The following MSR1 variants were observed in gnomAD, a reference collection of about 807,000 sequenced individuals.
The protein encoded by MSR1 is macrophage scavenger receptor types I and II.
Under a neutral mutation model 47.2 loss-of-function variants are expected in MSR1, and 53 were observed. The observed-to-expected ratio is 1.12, with a 90% CI of 0.90 to 1.41. The LOEUF (loss-of-function observed/expected upper bound fraction) is 1.41, where lower values mean the gene tolerates loss of function less well. Among genes scored for constraint, MSR1 ranks in the 40% most tolerant of loss-of-function variants. The pLI is 0.00. For missense variants in MSR1, 786 were observed against 546.9 expected (o/e 1.44, Z -4.36); for synonymous variants, 239 against 185.6 (o/e 1.29, Z -2.34).
intron 5 of MSR1, among the ~76,000 whole-genome samples, chr8:16,158,892 T>C (rs1034892296): frequency 4.6e-5 from 7 of 151,520 alleles, no homozygotes; most frequent in Non-Finnish European, 7.4e-5. Flanking sequence ...TACATAGTGG[T>C]TAGACAAACT....
chr8:16,125,081 G>A (rs1993977), intron 8 of MSR1, among the ~76,000 whole-genome samples: 106,540 of 151,992 alleles, frequency 0.7, 41,020 homozygotes, highest in Non-Finnish European at 0.86. Flanking sequence ...CTCCAAATAC[G>A]AGCTTTTGGT....
chr8:16,174,863 T>C lies in MSR1; in HGVS notation c.217+324A>G, dbSNP rs113779539. On this transcript the variant is annotated intron_variant, in intron 3 of 9. Transcript: ENST00000262101. ...GCAAAATGAATACTTTTAAAATTTG[T>C]CACCCACATTAGAAGGAGAGGACTC... Among the ~76,000 whole-genome samples the C allele has an allele frequency of 5.9e-5, 9 of 152,298 alleles. 2 individuals carry two copies. Among genetic ancestry groups the C allele is most frequent in the African/African-American group, 2.2e-4 (9 of 41,576 alleles).
At position 16,110,045 on chromosome 8, in the gene MSR1, T is replaced by C; in HGVS notation, c.*40A>G. On this transcript the variant is annotated 3_prime_UTR_variant, in exon 10 of 10. Transcript: ENST00000262101. Reference sequence around the variant, plus strand: ...AGGAACAAGGTAATAAAATCATTTTTGAGCAGCGATTTCATAGTTGTGAAT... The same window carrying C: ...AGGAACAAGGTAATAAAATCATTTTCGAGCAGCGATTTCATAGTTGTGAAT... 1.2e-6 allele frequency: 2 copies of C among 1,611,412 alleles called. No individual in the cohort carries two copies. Among genetic ancestry groups the C allele is most frequent in the South Asian group, 1.1e-5 (1 of 91,026 alleles).
At chr8:16,134,182 A>G (rs1800330511) in intron 8 of MSR1, among the ~76,000 whole-genome samples, 2 of 152,014 alleles carry the variant, frequency 1.3e-5, no homozygotes, top group South Asian at 4.1e-4. Flanking sequence ...CATAAATTTC[A>G]TGTGTGTTCT....
intron 9 of MSR1, among the ~76,000 whole-genome samples, chr8:16,114,574 A>T (rs1235102901): frequency 6.6e-6 from 1 of 151,946 alleles, no homozygotes; most frequent in Non-Finnish European, 1.5e-5. Flanking sequence ...GCAAAAAGTG[A>T]CTCACTCTCC....
intron 9 of MSR1, among the ~76,000 whole-genome samples, chr8:16,115,120 G>A (rs549231296): frequency 2.0e-5 from 3 of 152,134 alleles, no homozygotes; most frequent in East Asian, 1.9e-4. Context: ...CAGAGGTTGC[G>A]GTGAGCCGAG....
chr8:16,162,344 G>A (rs541046882), intron 5 of MSR1, among the ~76,000 whole-genome samples: 3 of 152,064 alleles, frequency 2.0e-5, no homozygotes, highest in Non-Finnish European at 4.4e-5. Context: ...AATGAAATCA[G>A]AAGGTTTCTT....
intron 5 of MSR1, among the ~76,000 whole-genome samples, chr8:16,155,973 T>G (rs753183989): frequency 2.0e-5 from 3 of 151,912 alleles, no homozygotes; most frequent in Non-Finnish European, 4.4e-5. Flanking sequence ...GTATTTTCTG[T>G]GTCCAGCAAA....
chr8:16,127,698 G>C (rs545650767), intron 8 of MSR1, among the ~76,000 whole-genome samples: 3 of 152,284 alleles, frequency 2.0e-5, no homozygotes, highest in African/African-American at 7.2e-5. Flanking sequence ...TAAAGAGAAA[G>C]AGAGAGCGAG....
intron 2 of MSR1, among the ~76,000 whole-genome samples, chr8:16,175,641 T>C (rs1022386423): frequency 2.0e-5 from 3 of 152,220 alleles, no homozygotes; most frequent in Non-Finnish European, 4.4e-5. Flanking sequence ...AATGTTCATA[T>C]GGGAAAATAT....
At chr8:16,135,066 G>A (rs1345948113) in intron 8 of MSR1, among the ~76,000 whole-genome samples, 1 of 152,162 alleles carries the variant, frequency 6.6e-6, no homozygotes. Context: ...TTTAGCAAGT[G>A]TGGATATAGA....
At chr8:16,178,103 C>CT (rs199889203) in intron 1 of MSR1, 111 bp from the exon 2 acceptor site, 17,721 of 631,400 alleles carry the variant, frequency 0.028, 7 homozygotes, top group East Asian at 0.056. Context: ...TTCAGTTTTT[C>CT]TTTTTTTTTT....
chr8:16,146,616 T>A (rs544717558), intron 7 of MSR1, among the ~76,000 whole-genome samples: 1 of 152,234 alleles, frequency 6.6e-6, no homozygotes, highest in African/African-American at 2.4e-5. Context: ...CTTGACCACC[T>A]TTGAAACTCT....
At chr8:16,121,951 C>T (rs1800015725) in intron 8 of MSR1, among the ~76,000 whole-genome samples, 1 of 151,842 alleles carries the variant, frequency 6.6e-6, no homozygotes, top group African/African-American at 2.4e-5. Context: ...ATGCTTATTA[C>T]TGTTTTAACA....
At chr8:16,192,474 C>T (rs1212912199) in intron 1 of MSR1, 124 bp downstream of exon 1, 1 of 134,086 alleles carries the variant, frequency 7.5e-6, no homozygotes, top group African/African-American at 3.3e-5. Flanking sequence ...TCTCATCATA[C>T]ACACACAGAC....
intron 9 of MSR1, among the ~76,000 whole-genome samples, chr8:16,118,003 C>CA (rs1475541575): frequency 3.3e-5 from 5 of 152,112 alleles, no homozygotes; most frequent in African/African-American, 9.7e-5. Flanking sequence ...TCCCTGGTGC[C>CA]AAAAAGGTTG....
At chr8:16,158,177 CA>C (rs1263176829) in intron 5 of MSR1, among the ~76,000 whole-genome samples, 1 of 151,916 alleles carries the variant, frequency 6.6e-6, no homozygotes, top group Non-Finnish European at 1.5e-5. Flanking sequence ...ATAGAATTTA[CA>C]TTATTTTTCA....
chr8:16,138,640 G>C (rs1800450116), intron 8 of MSR1, among the ~76,000 whole-genome samples: 1 of 152,134 alleles, frequency 6.6e-6, no homozygotes, highest in Admixed American at 6.6e-5. Context: ...TCGTGTGGCT[G>C]ATGTAGACCA....
chr8:16,181,578 G>A (rs1267065393), intron 1 of MSR1, among the ~76,000 whole-genome samples: 1 of 151,918 alleles, frequency 6.6e-6, no homozygotes, highest in South Asian at 2.1e-4. Flanking sequence ...ATGATCTCAC[G>A]TATAAGTGGG....
Sources: allele counts gnomAD v4.1 joint callset (sites outside exome capture counted in the v4.1 genomes callset), GRCh38; gene constraint gnomAD v4.1.1; transcripts MANE v1.5; gene names NCBI Gene and HGNC (gene_info 2026-07-23, HGNC 2026-07-21).